The following LAMA3 variants were observed in gnomAD, a reference collection of about 807,000 sequenced individuals.
LAMA3 encodes the protein laminin subunit alpha-3.
In LAMA3, 281 loss-of-function variants were observed where a neutral mutation model predicts 402.0. That is an observed-to-expected ratio of 0.70 (90% CI 0.63 to 0.77). The LOEUF (loss-of-function observed/expected upper bound fraction) is 0.77, where lower values mean the gene tolerates loss of function less well. LAMA3 is among the 30% of genes least tolerant of loss of function. LAMA3 has a pLI of 0.00. For missense variants in LAMA3, 3,840 were observed against 4,215.5 expected (o/e 0.91, Z 2.47); for synonymous variants, 1,431 against 1,558.4 (o/e 0.92, Z 1.93).
chr18:23,860,944 G>T (rs1454388660), intron 34 of LAMA3, among the ~76,000 whole-genome samples: 1 of 151,792 alleles, frequency 6.6e-6, no homozygotes, highest in Non-Finnish European at 1.5e-5. Context: ...CACCCACCTC[G>T]GCCTCCCAAA....
At chr18:23,887,234 G>A (rs568675424) in intron 41 of LAMA3, among the ~76,000 whole-genome samples, 182 of 152,132 alleles carry the variant, frequency 1.2e-3, no homozygotes, top group Non-Finnish European at 1.2e-3. Flanking sequence ...CATTAAAATA[G>A]CGAGAGATGG....
intron 18 of LAMA3, among the ~76,000 whole-genome samples, chr18:23,817,319 G>A (rs1046099836): frequency 6.6e-6 from 1 of 152,172 alleles, no homozygotes; most frequent in Non-Finnish European, 1.5e-5. Flanking sequence ...AGTAACTTCT[G>A]AATCTCAGGT....
At chr18:23,789,123 A>T (rs2062602855) in intron 12 of LAMA3, among the ~76,000 whole-genome samples, 1 of 152,176 alleles carries the variant, frequency 6.6e-6, no homozygotes, top group South Asian at 2.1e-4. Context: ...ATGCAAATCT[A>T]AACCACAATG....
intron 9 of LAMA3, among the ~76,000 whole-genome samples, chr18:23,775,510 G>T (rs539785408): frequency 2.0e-5 from 3 of 151,396 alleles, no homozygotes; most frequent in Non-Finnish European, 2.9e-5. Flanking sequence ...TAGCATGCAG[G>T]CTTTGCCTCT....
rs201547061 is a variant in LAMA3, at chr18:23,914,813, C to A, written c.7597C>A (p.Pro2533Thr). The A allele has an allele frequency of 3.0e-5, 48 of 1,613,182 alleles. No individual in the cohort carries two copies. Among genetic ancestry groups the A allele is most frequent in the Admixed American group, 5.0e-5 (3 of 60,014 alleles). ...RNSNTLLNLD[P>T]ENVVFYVGGY... ...TAGCAATACACTCCTTAATTTGGAT[C>A]CTGAAAATGTTGTATTTTATGTTGG... is the stretch of plus-strand genomic sequence containing the variant. The change falls in exon 58 of 75, where the codon CCT becomes ACT. Residue 2533 changes from proline to threonine, a missense_variant. Pro to Thr is a conservative substitution (Grantham distance 38). Coordinates refer to ENST00000313654, the MANE Select transcript of LAMA3 (RefSeq NM_198129.4).
intron 22 of LAMA3, 95 bp from the exon 23 acceptor site, chr18:23,827,219 C>A: frequency 5.5e-6 from 7 of 1,279,780 alleles, no homozygotes; most frequent in Non-Finnish European, 8.0e-6. Flanking sequence ...AATGAGTGAA[C>A]TGAATGACTG....
rs780690114 is a variant in LAMA3, at chr18:23,824,509, T to C, written c.2515T>C (p.Phe839Leu). 1.9e-6 allele frequency: 3 copies of C among 1,614,104 alleles called. No homozygotes were observed. Among genetic ancestry groups the C allele is most frequent in the Non-Finnish European group, 1.7e-6 (2 of 1,179,974 alleles). ...CCCTGGAAATGGTTTTGCAGACCCA[T>C]TTTCAATCACACCAGGAATATGGGT... ...TVPGNGFADP[F>L]SITPGIWVAC... The change falls in exon 21 of 75, where the codon TTT (phenylalanine) becomes CTT (leucine). Residue 839 changes from phenylalanine (F) to leucine (L), a missense_variant. Phe to Leu is a conservative substitution (Grantham distance 22, BLOSUM62 0). Transcript: ENST00000313654.
intron 60 of LAMA3, among the ~76,000 whole-genome samples, chr18:23,919,959 A>AAGAG (rs1352723474): frequency 6.6e-6 from 1 of 152,152 alleles, no homozygotes; most frequent in East Asian, 1.9e-4. Flanking sequence ...GGATGACATA[A>AAGAG]AGAGAGAGCT....
At position 23,763,420 on chromosome 18, in the gene LAMA3, G is replaced by C. The variant is rs748304720; in HGVS notation, c.1079G>C (p.Gly360Ala). The change falls in exon 8 of 75, where the codon GGC (glycine) becomes GCC (alanine). Residue 360 changes from glycine (G) to alanine (A), a missense_variant. This residue lies in a region of LAMA3 where 2,109 missense variants were observed against 2,376.0 expected (regional missense o/e 0.89). Transcript: ENST00000313654. ...TTTTTTTCAGCATGCAACTGCCACG[G>C]CCATGCCAGCAACTGTTACTATGAT... is the stretch of plus-strand genomic sequence containing the variant. Reference protein sequence around the residue: ...SHECEACNCHGHASNCYYDPD... With the variant: ...SHECEACNCHAHASNCYYDPD... The C allele has an allele frequency of 6.2e-7, 1 of 1,612,706 alleles. No homozygotes were observed. Among genetic ancestry groups the C allele is most frequent in the South Asian group, 1.1e-5 (1 of 91,058 alleles).
At chr18:23,913,393 G>A (rs1417973519) in intron 56 of LAMA3, among the ~76,000 whole-genome samples, 6 of 152,288 alleles carry the variant, frequency 3.9e-5, no homozygotes, top group Admixed American at 3.9e-4. Context: ...GATAAGAAAA[G>A]CAGTTGCCCT....
At chr18:23,696,944 A>T (rs2060695900) in intron 1 of LAMA3, among the ~76,000 whole-genome samples, 1 of 152,036 alleles carries the variant, frequency 6.6e-6, no homozygotes, top group Non-Finnish European at 1.5e-5. Context: ...TTCTCTGGCT[A>T]CTCCACATGT....
intron 42 of LAMA3, among the ~76,000 whole-genome samples, chr18:23,894,003 G>A (rs1599024490): frequency 1.3e-5 from 2 of 152,138 alleles, no homozygotes; most frequent in African/African-American, 2.4e-5. Context: ...TAACAGGGAG[G>A]CCACAAAAGC....
chr18:23,854,759 G>A (rs1201095916), intron 32 of LAMA3, among the ~76,000 whole-genome samples: 2 of 151,926 alleles, frequency 1.3e-5, no homozygotes, highest in Middle Eastern at 3.4e-3. Context: ...CCAAGGAGGC[G>A]GATCACGAGG....
At chr18:23,773,405 T>C (rs1215496220) in intron 8 of LAMA3, 92 bp from the exon 9 acceptor site, 4 of 825,398 alleles carry the variant, frequency 4.8e-6, no homozygotes, top group Admixed American at 2.0e-5. Context: ...CAATTGTATA[T>C]GACAGAATTA....
At chr18:23,907,698 T>C in intron 53 of LAMA3, 32 bp downstream of exon 53, 4 of 1,612,142 alleles carry the variant, frequency 2.5e-6, no homozygotes, top group East Asian at 2.2e-5. Context: ...TGTACTCGGT[T>C]GGCTTCTTTT....
intron 55 of LAMA3, among the ~76,000 whole-genome samples, chr18:23,910,172 A>C (rs1174237072): frequency 6.6e-6 from 1 of 152,172 alleles, no homozygotes; most frequent in Non-Finnish European, 1.5e-5. Context: ...ATCCAACAAA[A>C]ATTTGAAGTG....
At chr18:23,786,578 C>G (rs1284204533) in intron 12 of LAMA3, among the ~76,000 whole-genome samples, 1 of 152,166 alleles carries the variant, frequency 6.6e-6, no homozygotes, top group Non-Finnish European at 1.5e-5. Flanking sequence ...CACCTGTGTC[C>G]ACTTGTAGAG....
In LAMA3 at chr18:23,914,721, A is replaced by G. The variant is rs139823161; in HGVS notation, c.7505A>G (p.Asn2502Ser). ...AGAATTTATCAGTTTGCAAGGCTTA[A>G]TTACACCAAAGGAGCCACATCCAGT... is the stretch of plus-strand genomic sequence containing the variant. Reference protein sequence around the residue: ...FQRIYQFARLNYTKGATSSKP... With the variant: ...FQRIYQFARLSYTKGATSSKP... The change falls in exon 58 of 75, where the codon AAT becomes AGT. Residue 2502 changes from asparagine (N) to serine (S), a missense_variant. Around this residue, in one of 3 missense-constraint regions of LAMA3, gnomAD observed 891 missense variants for 857.5 expected, o/e 1.04. Transcript: ENST00000313654. The G allele has an allele frequency of 2.6e-4, 422 of 1,613,650 alleles. 2 individuals carry two copies. The highest frequency in any genetic ancestry group is 2.3e-4 in the Admixed American group (14 of 59,986).
At chr18:23,929,407 G>C (rs1251782966) in intron 64 of LAMA3, among the ~76,000 whole-genome samples, 1 of 152,224 alleles carries the variant, frequency 6.6e-6, no homozygotes, top group Non-Finnish European at 1.5e-5. Context: ...AATAGAAGTA[G>C]AGTATGATTA....
Sources: allele counts gnomAD v4.1 joint callset (sites outside exome capture counted in the v4.1 genomes callset), GRCh38; gene constraint gnomAD v4.1.1; regional missense constraint gnomAD v4.1.1; transcripts MANE v1.5; gene names NCBI Gene and HGNC (gene_info 2026-07-23, HGNC 2026-07-21).